TJP3: variants seen among roughly 807,000 people sequenced by gnomAD.
TJP3 encodes tight junction protein ZO-3.
In TJP3, 85 loss-of-function variants were observed where a neutral mutation model predicts 104.2. The ratio of observed to expected loss-of-function variants is 0.82; its 90% CI spans 0.68 to 0.98. The LOEUF (loss-of-function observed/expected upper bound fraction) is 0.98. Among genes scored for constraint, TJP3 ranks in the 50% least tolerant of loss-of-function variants. The probability of loss-of-function intolerance (pLI) is 0.00; values close to 1 mark genes in which losing one functional copy is unlikely to be tolerated. For missense variants in TJP3, 1,367 were observed against 1,322.8 expected, an observed-to-expected ratio of 1.03 and a Z score of -0.52; for synonymous variants, 550 against 550.6, an observed-to-expected ratio of 1.00 and a Z score of 0.02.
chr19:3,739,039 C>T lies in TJP3; in HGVS notation c.1536C>T (p.Pro512=), dbSNP rs138259541. 125 of 1,611,358 alleles carry T rather than the reference C, an allele frequency of 7.8e-5. No individual in the cohort carries two copies. Among genetic ancestry groups the T allele is most frequent in the East Asian group, 1.3e-4 (6 of 44,822 alleles). ...FHVLDTLHPG[P]GQSHARGGHW... Reference sequence around the variant, plus strand: ...TGCTGGACACGCTGCACCCCGGCCCCGGGCAGAGCCACGCACGAGGAGGCC... The same window carrying T: ...TGCTGGACACGCTGCACCCCGGCCCTGGGCAGAGCCACGCACGAGGAGGCC... Residue 512 remains proline (P), a synonymous_variant, in exon 13 of 21, where the codon CCC becomes CCT. Transcript: ENST00000541714.
Position 3,736,924 on chromosome 19 carries a change from G to A in TJP3, c.1284+603G>A, listed in dbSNP as rs572662223. ...AGATAGAGTCTTGCTCTGTCACCCA[G>A]GCTGGAGTGCGGGGGTGTGATCTTG... On this transcript the variant is annotated intron_variant, in intron 11 of 20. Coordinates refer to ENST00000541714, the MANE Select transcript of TJP3 (RefSeq NM_001267560.2). Among the ~76,000 whole-genome samples, 4 of 149,546 alleles carry A rather than the reference G, an allele frequency of 2.7e-5. 1 individual carries two copies. The highest frequency in any genetic ancestry group is 7.0e-3 in the Middle Eastern group (2 of 286).
chr19:3,737,908 C>A (rs565270639), intron 11 of TJP3, among the ~76,000 whole-genome samples: 43 of 151,946 alleles, frequency 2.8e-4, no homozygotes, highest in Non-Finnish European at 5.1e-4. Flanking sequence ...GAGCAGGTGG[C>A]TGTGTCTGTA....
chr19:3,730,827 C>T lies in TJP3; in HGVS notation c.613+121C>T. On this transcript the variant is annotated intron_variant, in intron 5 of 20. Transcript: ENST00000541714. The surrounding 1 kb of genome is among the most constrained non-coding windows in gnomAD (Gnocchi z 7.3). Reference sequence around the variant, plus strand: ...TCCCTGGTGGCTGGGACTCCAGGCGCCCGCCACCATGCCTGGCTAATTTTT... The same window carrying T: ...TCCCTGGTGGCTGGGACTCCAGGCGTCCGCCACCATGCCTGGCTAATTTTT... 3.7e-6 allele frequency: 4 copies of T among 1,080,304 alleles called. No homozygotes were observed. The highest frequency in any genetic ancestry group is 5.2e-6 in the Non-Finnish European group (4 of 773,012). The allele number at this position is 1,080,304 out of a possible 1,614,324, so 66.9% of individuals were successfully genotyped here. A position where few individuals can be genotyped will look rare whatever the true frequency, so the allele number is the denominator to read the frequency against.
At chr19:3,745,453 T>C (rs2036874322) in intron 15 of TJP3, among the ~76,000 whole-genome samples, 1 of 152,010 alleles carries the variant, frequency 6.6e-6, no homozygotes, top group Non-Finnish European at 1.5e-5. Context: ...CAATTTTACG[T>C]TTTTAACCAC....
At chr19:3,745,295 G>A (rs1032339167) in intron 15 of TJP3, among the ~76,000 whole-genome samples, 15 of 151,822 alleles carry the variant, frequency 9.9e-5, no homozygotes, top group African/African-American at 2.2e-4. Context: ...ACAGGCACGC[G>A]CCACCATGCC....
At chr19:3,744,172 AG>A (rs1470876131) in intron 15 of TJP3, 138 bp downstream of exon 15, 5 of 690,412 alleles carry the variant, frequency 7.2e-6, no homozygotes, top group African/African-American at 5.3e-5. Context: ...CCAATACCCA[AG>A]CCAGACATCC....
At position 3,730,629 on chromosome 19, in the gene TJP3, G is replaced by C. The variant is rs2036659156; in HGVS notation, c.536G>C (p.Gly179Ala). Residue 179 changes from glycine (G) to alanine (A), a missense_variant, in exon 5 of 21, where the codon GGC becomes GCC. Physicochemically the swap from Gly to Ala is moderately conservative, Grantham distance 60. Transcript: ENST00000541714. This position sits in a 1 kb window ranked among gnomAD's most constrained non-coding sequence, Gnocchi z 7.3. ...SEANGLALVS[G>A]FKRLPRQDVQ... ...GCCAACGGGCTGGCCCTGGTGTCCG[G>C]CTTTAAGCGGCTGCCACGGCAGGAC... The C allele has an allele frequency of 1.2e-6, 2 of 1,611,770 alleles. No individual in the cohort carries two copies. The highest frequency in any genetic ancestry group is 2.2e-5 in the South Asian group (2 of 91,092).
At position 3,732,039 on chromosome 19, in the gene TJP3, G is replaced by A. The variant is rs751290568; in HGVS notation, c.717+1G>A. ...GCAGGAAGGAGATCTCATTCTACAG[G>A]TGAGGCCGGGCTTCTTGTCCTGAGA... is the stretch of plus-strand genomic sequence containing the variant. On this transcript the variant is annotated splice_donor_variant, in intron 6 of 20. Transcript: ENST00000541714. LOFTEE classifies it high-confidence loss of function. 2 of 1,611,054 alleles carry A rather than the reference G, an allele frequency of 1.2e-6. No homozygotes were observed. Among genetic ancestry groups the A allele is most frequent in the East Asian group, 4.5e-5 (2 of 44,814 alleles).
chr19:3,717,740 A>G (rs1453471137), intron 1 of TJP3, among the ~76,000 whole-genome samples: 1 of 151,772 alleles, frequency 6.6e-6, no homozygotes, highest in African/African-American at 2.4e-5. Flanking sequence ...TGCCTAAGAT[A>G]TTTTTAAAAA....
chr19:3,738,202 T>G (rs999547305), intron 11 of TJP3, among the ~76,000 whole-genome samples: 1 of 152,180 alleles, frequency 6.6e-6, no homozygotes, highest in Non-Finnish European at 1.5e-5. Flanking sequence ...TACGTCTGAG[T>G]TCTTTTGAGC....
chr19:3,750,192 C>T lies in TJP3; in HGVS notation c.2657+8C>T. ...GCGACAGGACAGCATGCGGTAAGAA[C>T]CCCATATTCCAGATTGGGGCCCTCA... On this transcript the variant is annotated splice_region_variant and intron_variant, in intron 20 of 20. Coordinates refer to ENST00000541714, the MANE Select transcript of TJP3 (RefSeq NM_001267560.2). 6.3e-7 allele frequency: 1 copy of T among 1,580,698 alleles called. No individual in the cohort carries two copies. Among genetic ancestry groups the T allele is most frequent in the Non-Finnish European group, 8.6e-7 (1 of 1,166,320 alleles).
chr19:3,711,055 C>T (rs931607888), intron 1 of TJP3, among the ~76,000 whole-genome samples: 2 of 96,930 alleles, frequency 2.1e-5, no homozygotes, highest in Admixed American at 1.2e-4. Flanking sequence ...AGGCGCCCGC[C>T]ACCACACCCG....
chr19:3,736,757 T>C (rs2036744298), intron 11 of TJP3, among the ~76,000 whole-genome samples: 1 of 151,934 alleles, frequency 6.6e-6, no homozygotes, highest in South Asian at 2.1e-4. Context: ...ATATTTTTAG[T>C]AGAGATGAGG....
intron 1 of TJP3, among the ~76,000 whole-genome samples, chr19:3,714,682 C>T (rs930258498): frequency 2.0e-5 from 3 of 151,914 alleles, no homozygotes; most frequent in Admixed American, 6.6e-5. Context: ...CCAAGGCGGG[C>T]GGATCACGAG....
chr19:3,747,269 C>T (rs1406503202), intron 18 of TJP3, among the ~76,000 whole-genome samples: 12 of 152,042 alleles, frequency 7.9e-5, no homozygotes, highest in Admixed American at 7.2e-4. Flanking sequence ...CCATGTTGGC[C>T]AGGCTGGGCT....
chr19:3,710,943 G>A (rs1353040535), intron 1 of TJP3, among the ~76,000 whole-genome samples: 1 of 151,984 alleles, frequency 6.6e-6, no homozygotes, highest in Non-Finnish European at 1.5e-5. Flanking sequence ...TCGCTCTGTC[G>A]CCCAGGCTGG....
chr19:3,735,616 C>G lies in TJP3; in HGVS notation c.1037C>G (p.Ser346Trp). 6.2e-7 allele frequency: 1 copy of G among 1,614,206 alleles called. No individual in the cohort carries two copies. Among genetic ancestry groups the G allele is most frequent in the Non-Finnish European group, 8.5e-7 (1 of 1,180,046 alleles). The change falls in exon 9 of 21, where the codon TCG (serine) becomes TGG (tryptophan). Residue 346 changes from serine (S) to tryptophan (W), a missense_variant. Ser to Trp is a radical substitution (Grantham distance 177). Transcript: ENST00000541714. ...RESSVDSRTI[S>W]EPDEQRSELP... Reference sequence around the variant, plus strand: ...AGTTCAGTAGATTCCAGAACCATCTCGGAACCAGATGAGCAACGGTCAGGT... The same window carrying G: ...AGTTCAGTAGATTCCAGAACCATCTGGGAACCAGATGAGCAACGGTCAGGT...
At chr19:3,747,723 T>TG (rs1346303399) in intron 18 of TJP3, 71 bp from the exon 19 acceptor site, 2 of 1,450,312 alleles carry the variant, frequency 1.4e-6, no homozygotes, top group African/African-American at 1.4e-5. Flanking sequence ...AGTTTGAAGG[T>TG]GGGGGGATGT....
rs887903056 is a variant in TJP3 at position 3,716,903 on chromosome 19, A to G, written c.-10+8342A>G. ...ACCCTCTGCCTCCCAGGTTCAAGTG[A>G]TTCTCCTGCCTCAGCCTCCCGAGTA... On this transcript the variant is annotated intron_variant, in intron 1 of 20. Coordinates refer to ENST00000541714, the MANE Select transcript of TJP3 (RefSeq NM_001267560.2). Among the ~76,000 whole-genome samples, 41 of 138,724 alleles carry G rather than the reference A, an allele frequency of 3.0e-4. 2 individuals are homozygous for G. The highest frequency in any genetic ancestry group is 1.0e-3 in the African/African-American group (41 of 39,138). 91.0% of individuals were successfully genotyped at this position (138,724 alleles called of 152,430 possible).
Sources: gnomAD v4.1 joint callset for allele counts (sites outside exome capture counted in the v4.1 genomes callset) on GRCh38, gnomAD v4.1.1 for gene constraint, Gnocchi (gnomAD v3.1) non-coding constraint, MANE v1.5 for transcripts, NCBI Gene and HGNC (gene_info 2026-07-23, HGNC 2026-07-21) for gene names.